The following RBM45 variants were observed in gnomAD, a reference collection of about 807,000 sequenced individuals.
RBM45 encodes RNA-binding protein 45.
In RBM45, 39 loss-of-function variants were observed where a neutral mutation model predicts 58.5. That is an observed-to-expected ratio of 0.67 (90% confidence interval 0.52 to 0.87). The LOEUF (loss-of-function observed/expected upper bound fraction) is 0.87. Among genes scored for constraint, RBM45 ranks in the 40% least tolerant of loss-of-function variants. The pLI, the probability that RBM45 is intolerant of heterozygous loss-of-function variation, is 0.00. For synonymous variants in RBM45, 193 were observed against 203.0 expected (o/e 0.95, Z 0.42); for missense variants, 481 against 581.6 (o/e 0.83, Z 1.78).
At chr2:178,128,187 A>G (rs1323082769) in intron 9 of RBM45, among the ~76,000 whole-genome samples, 1 of 151,254 alleles carries the variant, frequency 6.6e-6, no homozygotes, top group African/African-American at 2.4e-5. Context: ...TTTTGGTAAG[A>G]CAGGGTTTTG....
In RBM45 at chr2:178,123,845, C is replaced by T. The variant is rs759941844; in HGVS notation, c.1001C>T (p.Ala334Val). 1.9e-6 allele frequency: 3 copies of T among 1,613,720 alleles called. No homozygotes were observed. In the Admixed American group the frequency reaches 5.0e-5, roughly 27 times the overall value. ...SNATDLLRKMATQMVAAQLAS... is the reference protein window; with the variant it reads ...SNATDLLRKMVTQMVAAQLAS... ...TTTTCCAGTCTCCTTAGAAAAATGG[C>T]AACACAGATGGTAGCTGCACAGCTT... The change falls in exon 7 of 10, where the codon GCA becomes GTA. Residue 334 changes from alanine to valine, a missense_variant. Transcript: ENST00000286070.
chr2:178,112,976 G>GTCCCCAAGCCAGGT, intron 1 of RBM45, 130 bp downstream of exon 1: 1 of 987,350 alleles, frequency 1.0e-6, no homozygotes, highest in Non-Finnish European at 1.5e-6. Flanking sequence ...GACAGCACCT[G>GTCCCCAAGCCAGGT]GCTTGGGGAC....
chr2:178,126,908 C>T (rs2087937064), intron 9 of RBM45, among the ~76,000 whole-genome samples: 1 of 152,032 alleles, frequency 6.6e-6, no homozygotes, highest in Non-Finnish European at 1.5e-5. Flanking sequence ...GAGTTTATAT[C>T]TGTGTGGTTT....
intron 8 of RBM45, among the ~76,000 whole-genome samples, chr2:178,125,260 A>T (rs1450193613): frequency 1.3e-5 from 2 of 152,216 alleles, no homozygotes; most frequent in African/African-American, 4.8e-5. Flanking sequence ...CAAAATATTA[A>T]ATGGACAAGA....
intron 5 of RBM45, 54 bp downstream of exon 5, chr2:178,121,413 C>T (rs879719954): frequency 0.082 from 31,401 of 383,434 alleles, 2,002 homozygotes; most frequent in Non-Finnish European, 0.092. Flanking sequence ...TACACACACA[C>T]ACACACACAC....
intron 9 of RBM45, among the ~76,000 whole-genome samples, chr2:178,127,557 A>G (rs1254947383): frequency 6.6e-6 from 1 of 152,202 alleles, no homozygotes; most frequent in African/African-American, 2.4e-5. Flanking sequence ...CATTGGGCCC[A>G]TAATCCTAAT....
Position 178,118,110 on chromosome 2 carries a change from G to A in RBM45, c.479G>A (p.Ser160Asn). 6.2e-7 allele frequency: 1 copy of A among 1,612,768 alleles called. No individual in the cohort carries two copies. The highest frequency in any genetic ancestry group is 8.5e-7 in the Non-Finnish European group (1 of 1,179,134). The change falls in exon 3 of 10, where the codon AGT becomes AAT. Residue 160 changes from serine to asparagine, a missense_variant. By Grantham distance (46) the Ser-to-Asn change is conservative. Coordinates refer to ENST00000286070, the MANE Select transcript of RBM45 (RefSeq NM_152945.4). ...SIIKNKVTGE[S>N]KGLGYVRYLK... ...ATTAAGAATAAAGTGACTGGAGAAAGTAAAGGTTTGGGCTACGTACGATAC... is the reference window on the plus strand; with the variant it reads ...ATTAAGAATAAAGTGACTGGAGAAAATAAAGGTTTGGGCTACGTACGATAC...
intron 6 of RBM45, 42 bp downstream of exon 6, chr2:178,123,693 G>A: frequency 6.3e-7 from 1 of 1,587,650 alleles, no homozygotes; most frequent in East Asian, 2.2e-5. Flanking sequence ...AGCTTTGAGT[G>A]TACATGATTG....
intron 1 of RBM45, among the ~76,000 whole-genome samples, chr2:178,115,638 G>A (rs1021962891): frequency 3.3e-5 from 5 of 152,230 alleles, no homozygotes; most frequent in Non-Finnish European, 5.9e-5. Context: ...GTTTTCTCAT[G>A]CTTTAATGAT....
chr2:178,121,306 T>C lies in RBM45; in HGVS notation c.800T>C (p.Ile267Thr). Reference sequence around the variant, plus strand: ...GAACAGCTTTTCAGCATTTTTGATATAGTACCAGGATTGGAATATTGTGAA... The same window carrying C: ...GAACAGCTTTTCAGCATTTTTGATACAGTACCAGGATTGGAATATTGTGAA... ...TEEQLFSIFD[I>T]VPGLEYCEVQ... The change falls in exon 5 of 10, where the codon ATA (isoleucine) becomes ACA (threonine). Residue 267 changes from isoleucine (I) to threonine (T), a missense_variant. Coordinates refer to ENST00000286070, the MANE Select transcript of RBM45 (RefSeq NM_152945.4). 6.2e-7 allele frequency: 1 copy of C among 1,605,330 alleles called. No homozygotes were observed. Among genetic ancestry groups the C allele is most frequent in the Non-Finnish European group, 8.5e-7 (1 of 1,176,244 alleles).
At chr2:178,115,643 A>G (rs964969752) in intron 1 of RBM45, among the ~76,000 whole-genome samples, 1 of 152,156 alleles carries the variant, frequency 6.6e-6, no homozygotes, top group African/African-American at 2.4e-5. Context: ...CTCATGCTTT[A>G]ATGATACAGA....
intron 5 of RBM45, 37 bp downstream of exon 5, chr2:178,121,396 G>GTA (rs200695432): frequency 0.016 from 6,070 of 376,032 alleles, 263 homozygotes; most frequent in African/African-American, 0.071. Flanking sequence ...ATATATATAT[G>GTA]TATATATACA....
At chr2:178,125,900 G>A (rs2087922636) in intron 8 of RBM45, 84 bp from the exon 9 acceptor site, 1 of 1,006,210 alleles carries the variant, frequency 9.9e-7, no homozygotes, top group Admixed American at 1.9e-5. Context: ...GGGTGAAAAT[G>A]GAGTCAAGAA....
In RBM45 at chr2:178,121,403, T is replaced by TATATAC. The variant is rs1260057109; in HGVS notation, c.853+45_853+46insTATACA. On this transcript the variant is annotated intron_variant, in intron 5 of 9. Coordinates refer to ENST00000286070, the MANE Select transcript of RBM45 (RefSeq NM_152945.4). ...TAAAAAATATATATATATGTATATA[T>TATATAC]ACACACACACACACACACACACACA... 4.0e-5 allele frequency: 24 copies of TATATAC among 593,372 alleles called. No homozygotes were observed. In the South Asian group the frequency reaches 4.8e-4, roughly 12 times the overall value. 36.8% of individuals were successfully genotyped at this position (593,372 alleles called of 1,614,324 possible).
In RBM45 at chr2:178,124,221, TGAAA is replaced by T. The variant is rs774576367; in HGVS notation, c.1170_1173del (p.Glu390AspfsTer13). On this transcript the variant is annotated frameshift_variant, in exon 8 of 10. Coordinates refer to ENST00000286070, the MANE Select transcript of RBM45 (RefSeq NM_152945.4). LOFTEE classifies it high-confidence loss of function. The stretch of plus-strand genomic sequence containing the variant: ...AAAAAAGCTCCTGCTGAAACTCCTG[TGAAA>T]GAAAGACTTTTTATTGTGTTTAATC... The T allele has an allele frequency of 1.2e-6, 2 of 1,609,450 alleles. No homozygotes were observed. The highest frequency in any genetic ancestry group is 8.5e-7 in the Non-Finnish European group (1 of 1,177,448).
chr2:178,123,532 G>T lies in RBM45; in HGVS notation c.864G>T (p.Val288=). 1.3e-6 allele frequency: 2 copies of T among 1,590,054 alleles called. No homozygotes were observed. The highest frequency in any genetic ancestry group is 2.3e-5 in the South Asian group (2 of 85,514). The change falls in exon 6 of 10, where the codon GTG becomes GTT. Residue 288 remains valine (V), a synonymous_variant. Transcript: ENST00000286070. ...RDPYSNYGHG[V]VQYFNVASAI... is the part of the protein sequence containing the mutation. ...TGTTCTCTATTTTAGGTCATGGAGT[G>T]GTTCAGTATTTTAATGTAGCATCAG...
At chr2:178,131,912 A>G (rs1361349166), downstream of RBM45, among the ~76,000 whole-genome samples, 1 of 152,210 alleles carries the variant, frequency 6.6e-6, no homozygotes, top group Non-Finnish European at 1.5e-5. Flanking sequence ...TGCATTTATT[A>G]ATCTAGTTGT....
At chr2:178,136,015 TAAAAC>T (rs2088041869) in intron 3 of RBM45, among the ~76,000 whole-genome samples, 1 of 152,142 alleles carries the variant, frequency 6.6e-6, no homozygotes, top group African/African-American at 2.4e-5. Context: ...ATGCTGTTAA[TAAAAC>T]AAGATGACAG....
intron 8 of RBM45, among the ~76,000 whole-genome samples, chr2:178,125,355 C>G (rs1258770590): frequency 3.9e-5 from 6 of 152,102 alleles, no homozygotes; most frequent in Non-Finnish European, 8.8e-5. Context: ...GTGATTGTTG[C>G]TGTGATAAGG....
Sources: gnomAD v4.1 joint callset for allele counts (sites outside exome capture counted in the v4.1 genomes callset) on GRCh38, gnomAD v4.1.1 for gene constraint, MANE v1.5 for transcripts, NCBI Gene and HGNC (gene_info 2026-07-23, HGNC 2026-07-21) for gene names.